The following NUBPL variants were observed in gnomAD, a reference collection of about 807,000 sequenced individuals.
NUBPL encodes NUBP iron-sulfur cluster assembly factor, mitochondrial, also known as iron-sulfur cluster transfer protein NUBPL.
Under a neutral mutation model 45.7 loss-of-function variants are expected in NUBPL, and 31 were observed. The observed-to-expected ratio is 0.68, with a 90% CI of 0.51 to 0.92. NUBPL has a LOEUF of 0.92. NUBPL is among the 40% of genes least tolerant of loss of function. The pLI is 0.00. For missense variants in NUBPL, 401 were observed against 398.7 expected, an observed-to-expected ratio of 1.01 and a Z score of -0.05; for synonymous variants, 144 against 140.9, an observed-to-expected ratio of 1.02 and a Z score of -0.15.
At chr14:31,705,791 C>T (rs748291758) in intron 6 of NUBPL, among the ~76,000 whole-genome samples, 10 of 152,178 alleles carry the variant, frequency 6.6e-5, no homozygotes, top group East Asian at 1.9e-4. Context: ...CAATGGCAGT[C>T]GCCGTGGGAC....
At chr14:31,668,681 G>C (rs2036497100) in intron 4 of NUBPL, among the ~76,000 whole-genome samples, 1 of 152,176 alleles carries the variant, frequency 6.6e-6, no homozygotes. Flanking sequence ...GGGCGCTGGT[G>C]GTGTAGGCAC....
intron 6 of NUBPL, among the ~76,000 whole-genome samples, chr14:31,704,940 G>T (rs2037415001): frequency 6.6e-6 from 1 of 152,164 alleles, no homozygotes; most frequent in African/African-American, 2.4e-5. Flanking sequence ...CAGATGTTCA[G>T]ATGTGTCCGG....
At chr14:31,770,370 A>T (rs1228517539) in intron 6 of NUBPL, among the ~76,000 whole-genome samples, 1 of 152,110 alleles carries the variant, frequency 6.6e-6, no homozygotes, top group Non-Finnish European at 1.5e-5. Context: ...TGGGGCGTGG[A>T]AAATGGTCCT....
At chr14:31,589,799 GA>G (rs2034096997) in intron 3 of NUBPL, among the ~76,000 whole-genome samples, 1 of 152,134 alleles carries the variant, frequency 6.6e-6, no homozygotes, top group Non-Finnish European at 1.5e-5. Context: ...AACATGCTTT[GA>G]AATTTCCCAT....
chr14:31,815,399 T>A (rs2039895848), intron 7 of NUBPL, among the ~76,000 whole-genome samples: 1 of 152,218 alleles, frequency 6.6e-6, no homozygotes, highest in African/African-American at 2.4e-5. Flanking sequence ...TCCTGAGACT[T>A]TGCTGAAGTT....
chr14:31,783,282 C>T (rs1355427587), intron 6 of NUBPL, among the ~76,000 whole-genome samples: 1 of 151,996 alleles, frequency 6.6e-6, no homozygotes, highest in Non-Finnish European at 1.5e-5. Flanking sequence ...GATTCTGGAT[C>T]CTGCCATGTG....
At chr14:31,753,116 G>C (rs1412039984) in intron 6 of NUBPL, among the ~76,000 whole-genome samples, 1 of 152,208 alleles carries the variant, frequency 6.6e-6, no homozygotes, top group Non-Finnish European at 1.5e-5. Context: ...AGTGATGTCT[G>C]CAAATGACTC....
chr14:31,809,515 T>G (rs2138896721), intron 7 of NUBPL, among the ~76,000 whole-genome samples: 1 of 152,300 alleles, frequency 6.6e-6, no homozygotes, highest in South Asian at 2.1e-4. Context: ...CTTTTCTTCT[T>G]TATTAGTCTT....
intron 6 of NUBPL, among the ~76,000 whole-genome samples, chr14:31,776,437 A>G (rs2039099447): frequency 6.6e-6 from 1 of 152,180 alleles, no homozygotes; most frequent in Non-Finnish European, 1.5e-5. Context: ...ACACTGAGAA[A>G]GGTTTATTGC....
chr14:31,673,211 T>C (rs2036614578), intron 4 of NUBPL, 144 bp from the exon 5 acceptor site: 1 of 661,424 alleles, frequency 1.5e-6, no homozygotes, highest in Non-Finnish European at 2.7e-6. Context: ...TAGACATGTA[T>C]CATAACATTA....
chr14:31,720,564 T>C (rs2037786008), intron 6 of NUBPL, among the ~76,000 whole-genome samples: 1 of 152,168 alleles, frequency 6.6e-6, no homozygotes, highest in South Asian at 2.1e-4. Flanking sequence ...TTGTGTACTT[T>C]GTTTCTTTTC....
At chr14:31,743,777 A>G (rs2038336730) in intron 6 of NUBPL, among the ~76,000 whole-genome samples, 1 of 152,124 alleles carries the variant, frequency 6.6e-6, no homozygotes, top group Non-Finnish European at 1.5e-5. Context: ...ACTAGAGAGA[A>G]AACACTTTTG....
At chr14:31,688,661 T>TTTG (rs1555328439) in intron 6 of NUBPL, among the ~76,000 whole-genome samples, 5 of 148,510 alleles carry the variant, frequency 3.4e-5, no homozygotes, top group African/African-American at 1.2e-4. Flanking sequence ...TGTTGTTGTT[T>TTTG]TTTTTTTTTT....
At chr14:31,562,316 G>T (rs766221570) in intron 2 of NUBPL, 101 bp downstream of exon 2, 413 of 1,146,480 alleles carry the variant, frequency 3.6e-4, no homozygotes, top group Non-Finnish European at 4.8e-4. Flanking sequence ...ATTTATTTGT[G>T]AAGTTCCTAA....
intron 6 of NUBPL, among the ~76,000 whole-genome samples, chr14:31,760,501 A>G (rs902260765): frequency 3.3e-5 from 5 of 152,002 alleles, no homozygotes; most frequent in Non-Finnish European, 5.9e-5. Context: ...TTCTTCCACT[A>G]TAACTGCCAT....
rs1654324594 is a variant in NUBPL at position 31,561,508 on chromosome 14, C to T, written c.69C>T (p.Ala23=). The T allele has an allele frequency of 7.2e-7, 1 of 1,390,598 alleles. No individual in the cohort carries two copies. Among genetic ancestry groups the T allele is most frequent in the Non-Finnish European group, 9.4e-7 (1 of 1,065,150 alleles). The allele number at this position is 1,390,598 out of a possible 1,614,324, so 86.1% of individuals were successfully genotyped here. ...VSLRAGGGAT[A]PLGGSRAMVC... ...TCCGGGCTGGTGGCGGGGCCACTGC[C>T]CCGCTTGGGGGAAGCCGAGCGATGG... is the stretch of plus-strand genomic sequence containing the variant. The change falls in exon 1 of 11, where the codon GCC becomes GCT. Residue 23 remains alanine (A), a synonymous_variant. Transcript: ENST00000281081.
chr14:31,564,898 T>A, intron 2 of NUBPL, 116 bp from the exon 3 acceptor site: 2 of 649,768 alleles, frequency 3.1e-6, no homozygotes, highest in East Asian at 2.9e-5. Context: ...GGTTATTACA[T>A]GAAAATATTA....
At chr14:31,688,030 G>C (rs748785015) in intron 6 of NUBPL, among the ~76,000 whole-genome samples, 2 of 152,302 alleles carry the variant, frequency 1.3e-5, no homozygotes, top group Non-Finnish European at 2.9e-5. Context: ...TGAAAATGCA[G>C]CTTATATATG....
chr14:31,743,294 T>A (rs1294358046), intron 6 of NUBPL, among the ~76,000 whole-genome samples: 3 of 152,194 alleles, frequency 2.0e-5, no homozygotes, highest in African/African-American at 7.2e-5. Context: ...GGTTGCTGAA[T>A]ATATCTAACA....
Sources: gnomAD v4.1 joint callset for allele counts (sites outside exome capture counted in the v4.1 genomes callset) on GRCh38, gnomAD v4.1.1 for gene constraint, MANE v1.5 for transcripts, NCBI Gene and HGNC (gene_info 2026-07-23, HGNC 2026-07-21) for gene names.